Variants in CFAP54 observed in about 807,000 individuals in gnomAD.
CFAP54 encodes the protein cilia- and flagella-associated protein 54.
CFAP54 carries 290 observed loss-of-function variants against 370.4 expected under a neutral mutation model. That is an observed-to-expected ratio of 0.78 (90% CI 0.71 to 0.86). The LOEUF (loss-of-function observed/expected upper bound fraction) is 0.86. Among genes scored for constraint, CFAP54 ranks in the 40% least tolerant of loss-of-function variants. The pLI, the probability that CFAP54 is intolerant of heterozygous loss-of-function variation, is 0.00. For synonymous variants in CFAP54, 1,206 were observed against 1,236.5 expected (o/e 0.98, Z 0.52); for missense variants, 3,399 against 3,528.7 (o/e 0.96, Z 0.93).
intron 15 of CFAP54, among the ~76,000 whole-genome samples, chr12:96,552,189 T>C (rs746610386): frequency 2.2e-5 from 3 of 137,156 alleles, no homozygotes; most frequent in Non-Finnish European, 4.5e-5. Context: ...GAGGTTGCAG[T>C]GAGCTGAGAT....
chr12:96,742,648 T>A, intron 52 of CFAP54, 62 bp downstream of exon 52: 2 of 1,363,574 alleles, frequency 1.5e-6, no homozygotes, highest in Non-Finnish European at 2.0e-6. Context: ...TGAAGAGGGG[T>A]TTATTGGGAT....
intron 22 of CFAP54, among the ~76,000 whole-genome samples, chr12:96,581,625 A>T (rs952704898): frequency 7.2e-5 from 11 of 151,994 alleles, no homozygotes; most frequent in Non-Finnish European, 1.3e-4. Context: ...TAATCCAGAG[A>T]TATCCTTTTA....
chr12:96,646,926 G>A (rs1334490139), intron 33 of CFAP54: 1 of 152,060 alleles, frequency 6.6e-6, no homozygotes, highest in African/African-American at 2.4e-5. Flanking sequence ...CACAGGAAGG[G>A]GAACATCACA....
chr12:96,844,224 GA>G (rs1959269953), intron 66 of CFAP54, among the ~76,000 whole-genome samples: 1 of 152,170 alleles, frequency 6.6e-6, no homozygotes, highest in African/African-American at 2.4e-5. Flanking sequence ...AGGATGGGGA[GA>G]GGGGCAGATG....
intron 61 of CFAP54, among the ~76,000 whole-genome samples, chr12:96,785,384 C>T (rs1171966111): frequency 6.6e-6 from 1 of 151,992 alleles, no homozygotes; most frequent in East Asian, 1.9e-4. Context: ...CACATTAGTC[C>T]CTCTTGTGAT....
At chr12:96,731,123 T>G (rs995676106) in intron 50 of CFAP54, among the ~76,000 whole-genome samples, 1 of 152,252 alleles carries the variant, frequency 6.6e-6, no homozygotes, top group African/African-American at 2.4e-5. Context: ...ATAAGACTTC[T>G]GGCGCCTCAC....
At chr12:96,693,284 A>C (rs901214221) in intron 44 of CFAP54, among the ~76,000 whole-genome samples, 2 of 152,222 alleles carry the variant, frequency 1.3e-5, no homozygotes, top group Non-Finnish European at 2.9e-5. Context: ...CATTGAAATG[A>C]ATAAGTAGGA....
intron 65 of CFAP54, among the ~76,000 whole-genome samples, chr12:96,825,820 A>T (rs1306055206): frequency 3.0e-5 from 4 of 132,570 alleles, no homozygotes; most frequent in Admixed American, 2.4e-4. Context: ...ATATATAAAT[A>T]TATAAATTAG....
At chr12:96,716,689 C>T (rs766546816) in intron 48 of CFAP54, among the ~76,000 whole-genome samples, 7 of 152,104 alleles carry the variant, frequency 4.6e-5, no homozygotes, top group African/African-American at 7.2e-5. Context: ...GGAGGCACAC[C>T]ATCTGAAACA....
At position 96,507,108 on chromosome 12, in the gene CFAP54, T is replaced by C. The variant is rs1955110815; in HGVS notation, c.739+9T>C. ...CTGGATTATCTTCAATGGTATATGC[T>C]GATGTATTTTATTTTCCATTGTGTC... On this transcript the variant is annotated intron_variant, in intron 4 of 67. Coordinates refer to ENST00000524981, the MANE Select transcript of CFAP54 (RefSeq NM_001306084.2). 1.3e-6 allele frequency: 2 copies of C among 1,483,302 alleles called. No individual in the cohort carries two copies. The highest frequency in any genetic ancestry group is 1.8e-6 in the Non-Finnish European group (2 of 1,123,336). The allele number at this position is 1,483,302 out of a possible 1,614,324, so 91.9% of individuals were successfully genotyped here.
intron 63 of CFAP54, among the ~76,000 whole-genome samples, chr12:96,806,159 AATATATATATATATATATAT>A (rs548500750): frequency 0.014 from 404 of 27,898 alleles, 12 homozygotes; most frequent in African/African-American, 0.039. Flanking sequence ...TCACTAGCCA[AATATATATATATATATATAT>A]ATATATATAT....
At chr12:96,856,596 A>G (rs1226836028) in intron 66 of CFAP54, among the ~76,000 whole-genome samples, 3 of 151,416 alleles carry the variant, frequency 2.0e-5, no homozygotes, top group African/African-American at 7.4e-5. Flanking sequence ...CCTCATCTCC[A>G]TCTGAGACCA....
At chr12:96,760,683 C>T (rs1472028673) in intron 58 of CFAP54, among the ~76,000 whole-genome samples, 1 of 152,180 alleles carries the variant, frequency 6.6e-6, no homozygotes, top group Non-Finnish European at 1.5e-5. Context: ...CAGGCATGTA[C>T]CGCCATGCCC....
chr12:96,860,026 C>T (rs1959832134), intron 66 of CFAP54, among the ~76,000 whole-genome samples: 1 of 151,830 alleles, frequency 6.6e-6, no homozygotes, highest in Non-Finnish European at 1.5e-5. Flanking sequence ...AAAAACCAGC[C>T]TCCAAATACA....
intron 50 of CFAP54, among the ~76,000 whole-genome samples, chr12:96,739,688 A>G (rs1345962782): frequency 1.3e-5 from 2 of 152,108 alleles, no homozygotes; most frequent in African/African-American, 2.4e-5. Flanking sequence ...AGTTTCTATT[A>G]TGTCTCAGTC....
At chr12:96,546,063 C>T (rs1955637634) in intron 14 of CFAP54, among the ~76,000 whole-genome samples, 1 of 152,172 alleles carries the variant, frequency 6.6e-6, no homozygotes, top group Admixed American at 6.5e-5. Context: ...GTCACAGGAA[C>T]TTTAGTTTGT....
chr12:96,555,435 G>A (rs1955741569), intron 17 of CFAP54, among the ~76,000 whole-genome samples: 1 of 151,168 alleles, frequency 6.6e-6, no homozygotes, highest in African/African-American at 2.4e-5. Context: ...AATGCAAGAA[G>A]ATAAGAAAAA....
Position 96,534,118 on chromosome 12 carries a change from A to C in CFAP54, c.1596A>C (p.Ala532=), listed in dbSNP as rs1955475927. ...KAEKDLTLLI[A]MEPLINVKRN... is the part of the protein sequence containing the mutation. ...AGAAGGATTTAACTCTTCTGATTGC[A>C]ATGGAACCACTAATCAACGTGAAGA... The change falls in exon 11 of 68, where the codon GCA becomes GCC. Residue 532 remains alanine (A), a synonymous_variant. Transcript: ENST00000524981. The C allele has an allele frequency of 6.5e-7, 1 of 1,534,638 alleles. No homozygotes were observed. The highest frequency in any genetic ancestry group is 2.0e-5 in the Admixed American group (1 of 50,854).
rs111492069 is a variant in CFAP54, at chr12:96,674,123, T to A, written c.5564-5477T>A. On this transcript the variant is annotated intron_variant, in intron 39 of 67. Transcript: ENST00000524981. ...TGTTTAAGTTCTCTGGTAGAGTTAT[T>A]CAGTCCTCAGGTGTGTTGGAATTTT... Among the ~76,000 whole-genome samples, 531 of 152,304 alleles carry A rather than the reference T, an allele frequency of 3.5e-3. 3 individuals are homozygous for A. The highest frequency in any genetic ancestry group is 5.8e-3 in the Non-Finnish European group (393 of 68,026).
Sources: gnomAD v4.1 joint callset for allele counts (sites outside exome capture counted in the v4.1 genomes callset) on GRCh38, gnomAD v4.1.1 for gene constraint, MANE v1.5 for transcripts, NCBI Gene and HGNC (gene_info 2026-07-23, HGNC 2026-07-21) for gene names.